Variants in ANKS1A observed in about 807,000 individuals in gnomAD.
ANKS1A encodes the protein ankyrin repeat and SAM domain-containing protein 1A.
In ANKS1A, 55 loss-of-function variants were observed where a neutral mutation model predicts 120.3. That is an observed-to-expected ratio of 0.46 (90% CI 0.37 to 0.57). ANKS1A has a LOEUF of 0.57. Among genes scored for constraint, ANKS1A ranks in the 20% least tolerant of loss-of-function variants. The pLI, the probability that ANKS1A is intolerant of heterozygous loss-of-function variation, is 0.00. For missense variants in ANKS1A, 1,123 were observed against 1,480.3 expected, an observed-to-expected ratio of 0.76 and a Z score of 3.96; for synonymous variants, 590 against 604.7, an observed-to-expected ratio of 0.98 and a Z score of 0.36.
At chr6:35,043,816 A>G (rs1374886762) in intron 11 of ANKS1A, among the ~76,000 whole-genome samples, 1 of 152,208 alleles carries the variant, frequency 6.6e-6, no homozygotes, top group South Asian at 2.1e-4. Flanking sequence ...AACCACATCT[A>G]TAAAACACCA....
chr6:35,028,076 T>G (rs1284961011), intron 11 of ANKS1A, among the ~76,000 whole-genome samples: 1 of 152,266 alleles, frequency 6.6e-6, no homozygotes, highest in Non-Finnish European at 1.5e-5. Flanking sequence ...CTGTCCTGAT[T>G]TAAACAGGCA....
At chr6:35,008,216 G>A (rs10947536) in intron 10 of ANKS1A, among the ~76,000 whole-genome samples, 100,853 of 150,212 alleles carry the variant, frequency 0.67, 35,812 homozygotes, top group Non-Finnish European at 0.8. Flanking sequence ...CTCTTCTCTC[G>A]CCATCTTTTT....
chr6:34,999,455 G>A (rs1216787136), intron 10 of ANKS1A, among the ~76,000 whole-genome samples: 1 of 152,164 alleles, frequency 6.6e-6, no homozygotes, highest in East Asian at 1.9e-4. Flanking sequence ...TCTTTGTTTT[G>A]TGCGTGTGGT....
chr6:35,045,078 A>G (rs749713106), intron 11 of ANKS1A, among the ~76,000 whole-genome samples: 38 of 152,340 alleles, frequency 2.5e-4, no homozygotes, highest in African/African-American at 8.2e-4. Flanking sequence ...TTGGAGGAGG[A>G]ACAGATCTCA....
downstream of ANKS1A, among the ~76,000 whole-genome samples, chr6:35,091,870 G>A (rs1179416438): frequency 2.6e-5 from 4 of 152,208 alleles, no homozygotes; most frequent in Admixed American, 6.5e-5. Flanking sequence ...GCCCGAAGCC[G>A]TGCTATGGTA....
chr6:35,039,192 C>CTTTTTTTT (rs35565672), intron 11 of ANKS1A, among the ~76,000 whole-genome samples: 17 of 83,798 alleles, frequency 2.0e-4, no homozygotes, highest in South Asian at 4.6e-4. Context: ...CTCCCTCATA[C>CTTTTTTTT]TTTTTTTTTT....
chr6:34,981,564 T>C, intron 3 of ANKS1A, 126 bp from the exon 4 acceptor site: 6 of 1,047,012 alleles, frequency 5.7e-6, no homozygotes, highest in Non-Finnish European at 8.2e-6. Context: ...TTCCGACTTT[T>C]ATTAGCCCCC....
chr6:35,069,829 C>T (rs1093986), intron 13 of ANKS1A, among the ~76,000 whole-genome samples: 121,404 of 151,736 alleles, frequency 0.8, 49,536 homozygotes, highest in South Asian at 0.92. Flanking sequence ...GAGTTCAAGA[C>T]CAGCCTGACC....
intron 11 of ANKS1A, among the ~76,000 whole-genome samples, chr6:35,026,211 G>A (rs112488413): frequency 4.2e-4 from 64 of 152,264 alleles, no homozygotes; most frequent in African/African-American, 1.5e-3. Flanking sequence ...TACAGAGTGC[G>A]TGATTTTGTA....
At chr6:34,900,766 G>C (rs776614717) in intron 1 of ANKS1A, among the ~76,000 whole-genome samples, 7 of 151,878 alleles carry the variant, frequency 4.6e-5, no homozygotes, top group Non-Finnish European at 8.8e-5. Context: ...TATGCAACTG[G>C]GACTTCTTCC....
At chr6:35,015,016 C>T (rs529776270) in intron 10 of ANKS1A, among the ~76,000 whole-genome samples, 1 of 152,198 alleles carries the variant, frequency 6.6e-6, no homozygotes, top group African/African-American at 2.4e-5. Flanking sequence ...TATTCGTAGC[C>T]ATGAGTCGTG....
At chr6:35,070,956 C>T in intron 13 of ANKS1A, 1 of 604,792 alleles carries the variant, frequency 1.7e-6, no homozygotes, top group Non-Finnish European at 3.1e-6. Context: ...CTGCAACCAA[C>T]CACTTTCCAG....
chr6:34,982,674 CTG>C lies in ANKS1A; in HGVS notation c.733-74_733-73del. ...TGTTTTATTTTGTGTCCCTTCTTGT[CTG>C]TGTCCCCTTTGTCACGTGAAGCCGC... On this transcript the variant is annotated intron_variant, in intron 4 of 23. Transcript: ENST00000360359. This position sits in a 1 kb window ranked among gnomAD's most constrained non-coding sequence, Gnocchi z 4.9. 7.3e-7 allele frequency: 1 copy of C among 1,374,328 alleles called. No individual in the cohort carries two copies. Among genetic ancestry groups the C allele is most frequent in the East Asian group, 2.3e-5 (1 of 43,608 alleles). 85.1% of individuals were successfully genotyped at this position (1,374,328 alleles called of 1,614,324 possible).
At chr6:34,932,921 T>G (rs1474850980) in intron 1 of ANKS1A, among the ~76,000 whole-genome samples, 3 of 152,248 alleles carry the variant, frequency 2.0e-5, no homozygotes, top group Non-Finnish European at 4.4e-5. Flanking sequence ...ATATTGTTTT[T>G]CAAAGTGGCT....
At chr6:35,052,193 A>G (rs1211252784) in intron 11 of ANKS1A, among the ~76,000 whole-genome samples, 1 of 152,126 alleles carries the variant, frequency 6.6e-6, no homozygotes, top group East Asian at 1.9e-4. Context: ...CATGCCTATG[A>G]TCCTAGCACT....
chr6:35,039,020 C>T (rs1296699135), intron 11 of ANKS1A, among the ~76,000 whole-genome samples: 2 of 151,718 alleles, frequency 1.3e-5, no homozygotes, highest in African/African-American at 2.4e-5. Flanking sequence ...GGCGATTGAC[C>T]GTGGAAGAAT....
chr6:34,991,612 A>G (rs1772529608), intron 9 of ANKS1A, among the ~76,000 whole-genome samples: 1 of 149,680 alleles, frequency 6.7e-6, no homozygotes, highest in African/African-American at 2.4e-5. Context: ...ACATATATAT[A>G]CGTATATACA....
intron 13 of ANKS1A, among the ~76,000 whole-genome samples, chr6:35,077,862 C>G (rs1255090941): frequency 6.6e-6 from 1 of 152,212 alleles, no homozygotes. Flanking sequence ...GGTGAAAGCT[C>G]TCGGCCCTGT....
intron 1 of ANKS1A, among the ~76,000 whole-genome samples, chr6:34,950,109 G>A (rs1354471520): frequency 6.6e-6 from 1 of 152,056 alleles, no homozygotes; most frequent in Non-Finnish European, 1.5e-5. Context: ...GAATCCAGGA[G>A]CTTGAGGTTA....
Sources: gnomAD v4.1 joint callset for allele counts (sites outside exome capture counted in the v4.1 genomes callset) on GRCh38, gnomAD v4.1.1 for gene constraint, Gnocchi (gnomAD v3.1) non-coding constraint, MANE v1.5 for transcripts, NCBI Gene and HGNC (gene_info 2026-07-23, HGNC 2026-07-21) for gene names.